The following RBFOX2 variants were observed in gnomAD, a reference collection of about 807,000 sequenced individuals.
RBFOX2 encodes RNA binding protein fox-1 homolog 2.
In RBFOX2, 10 loss-of-function variants were observed where a neutral mutation model predicts 49.1. That is an observed-to-expected ratio of 0.20 (90% CI 0.13 to 0.35). The LOEUF (loss-of-function observed/expected upper bound fraction) is 0.35, where lower values mean the gene tolerates loss of function less well. Ranked by LOEUF, RBFOX2 falls within the 10% of genes least tolerant of loss-of-function variation. The pLI is 1.00. For missense variants in RBFOX2, 323 were observed against 486.9 expected (o/e 0.66, Z 3.17); for synonymous variants, 183 against 187.4 (o/e 0.98, Z 0.19).
At chr22:35,985,307 CT>C (rs1244262573) in intron 1 of RBFOX2, among the ~76,000 whole-genome samples, 1 of 152,138 alleles carries the variant, frequency 6.6e-6, no homozygotes, top group Non-Finnish European at 1.5e-5. Context: ...CAACTACCTA[CT>C]AGGTTTTCAG....
chr22:35,920,674 A>G (rs1191514242), intron 1 of RBFOX2, among the ~76,000 whole-genome samples: 1 of 152,184 alleles, frequency 6.6e-6, no homozygotes, highest in African/African-American at 2.4e-5. Context: ...TCAAAACAAG[A>G]CGGACTTTAG....
rs1938203823 is a variant in RBFOX2, at chr22:35,760,000, T to C, written c.775A>G (p.Thr259Ala). 1 of 1,613,574 alleles carries C rather than the reference T, an allele frequency of 6.2e-7. No individual in the cohort carries two copies. The highest frequency in any genetic ancestry group is 1.3e-5 in the African/African-American group (1 of 74,852). The change falls in exon 9 of 12, where the codon ACT becomes GCT. Residue 259 changes from threonine to alanine, a missense_variant. This residue lies in a region of RBFOX2 where 200 missense variants were observed against 370.0 expected (regional missense o/e 0.54). Coordinates refer to ENST00000405409, the Ensembl canonical transcript of RBFOX2. This position sits in a 1 kb window ranked among gnomAD's most constrained non-coding sequence, Gnocchi z 4.6. ...AAAGCGGCTGCCGTGGTGGCTGCAGTAGGGTAAGGGAAGCCAGGAACTAAA... is the reference window on the plus strand; with the variant it reads ...AAAGCGGCTGCCGTGGTGGCTGCAGCAGGGTAAGGGAAGCCAGGAACTAAA...
At chr22:35,869,618 G>A (rs2044124901) in intron 1 of RBFOX2, among the ~76,000 whole-genome samples, 1 of 151,044 alleles carries the variant, frequency 6.6e-6, no homozygotes, top group Non-Finnish European at 1.5e-5. Context: ...GCCTTTTGAT[G>A]TTGTTTTTTC....
intron 1 of RBFOX2, among the ~76,000 whole-genome samples, chr22:35,954,895 G>A (rs2055373181): frequency 6.6e-6 from 1 of 152,162 alleles, no homozygotes; most frequent in African/African-American, 2.4e-5. Context: ...AGTGAGAAAG[G>A]CATAAAGAAA....
At position 35,868,785 on chromosome 22, in the gene RBFOX2, A is replaced by G. The variant is rs550672407; in HGVS notation, c.-33-58781T>C. On this transcript the variant is annotated intron_variant, in intron 1 of 13. Coordinates refer to the RBFOX2 transcript ENST00000359369. ...GTCCAGAGATTTCATTAAATTCTCA[A>G]AGATGTTCGAGACTCAAAATAAAGA... is the stretch of plus-strand genomic sequence containing the variant. Among the ~76,000 whole-genome samples the G allele has an allele frequency of 2.0e-5, 3 of 152,370 alleles. No individual in the cohort carries two copies. In the South Asian group the frequency reaches 6.2e-4, roughly 32 times the overall value.
chr22:35,776,928 G>T, intron 4 of RBFOX2, among the ~76,000 whole-genome samples: 1 of 146,638 alleles, frequency 6.8e-6, no homozygotes. Context: ...CCATTCCCTT[G>T]TTCTTAAAAA....
intron 2 of RBFOX2, among the ~76,000 whole-genome samples, chr22:35,800,653 C>T (rs1949606255): frequency 6.6e-6 from 1 of 152,074 alleles, no homozygotes; most frequent in South Asian, 2.1e-4. Context: ...ACCAAGACGC[C>T]TCAGCTTCTC....
intron 9 of RBFOX2, among the ~76,000 whole-genome samples, chr22:35,755,899 T>C (rs1211327185): frequency 1.3e-5 from 2 of 151,788 alleles, no homozygotes; most frequent in Non-Finnish European, 2.9e-5. Context: ...GGCTTAGTTT[T>C]TGCACCCAGG....
chr22:35,840,514 C>T (rs1603387389), exon 1 of RBFOX2: 4 of 1,264,826 alleles, frequency 3.2e-6, no homozygotes, highest in Non-Finnish European at 4.0e-6. Context: ...TAGAGCCCCA[C>T]CTCTTCCTCC....
chr22:36,028,565 G>C (rs2059541176), exon 1 of RBFOX2: 1 of 808,122 alleles, frequency 1.2e-6, no homozygotes, highest in Non-Finnish European at 1.5e-6. Context: ...CGCGCGAGCG[G>C]ACTCCGCGCC....
intron 1 of RBFOX2, among the ~76,000 whole-genome samples, chr22:35,846,529 C>T (rs1432313050): frequency 6.6e-6 from 1 of 151,724 alleles, no homozygotes; most frequent in African/African-American, 2.4e-5. Flanking sequence ...GGTGGATCAC[C>T]CGAGGATGGG....
intron 1 of RBFOX2, among the ~76,000 whole-genome samples, chr22:35,839,582 C>T (rs1191886438): frequency 1.3e-5 from 2 of 152,194 alleles, no homozygotes; most frequent in African/African-American, 4.8e-5. Flanking sequence ...CATTCAGATT[C>T]GTTCTCCTGT....
exon 1 of RBFOX2, chr22:35,840,522 T>TC: frequency 8.2e-7 from 1 of 1,213,192 alleles, no homozygotes; most frequent in Non-Finnish European, 1.0e-6. Context: ...CACCTCTTCC[T>TC]CCTCCCCCCA....
intron 1 of RBFOX2, among the ~76,000 whole-genome samples, chr22:35,971,296 T>A (rs1219997650): frequency 6.6e-6 from 1 of 152,182 alleles, no homozygotes; most frequent in African/African-American, 2.4e-5. Flanking sequence ...ATACTCAGTT[T>A]ACAATGTAAA....
intron 8 of RBFOX2, 56 bp downstream of exon 9, chr22:35,761,146 A>G: frequency 1.4e-6 from 2 of 1,478,912 alleles, no homozygotes. Context: ...AAAACAGTAC[A>G]TGATAGTTCA....
At chr22:35,986,568 A>G (rs2057733789) in intron 1 of RBFOX2, among the ~76,000 whole-genome samples, 1 of 152,216 alleles carries the variant, frequency 6.6e-6, no homozygotes, top group African/African-American at 2.4e-5. Flanking sequence ...ATGTTTTCAT[A>G]CTGTCCTTAG....
At chr22:35,889,135 A>AC (rs1383593104) in intron 1 of RBFOX2, among the ~76,000 whole-genome samples, 3 of 152,142 alleles carry the variant, frequency 2.0e-5, no homozygotes, top group African/African-American at 7.2e-5. Context: ...AGGGTGGGTG[A>AC]CAAAGCAAGA....
intron 1 of RBFOX2, among the ~76,000 whole-genome samples, chr22:35,961,230 C>T (rs1316055793): frequency 6.6e-6 from 1 of 152,128 alleles, no homozygotes; most frequent in African/African-American, 2.4e-5. Flanking sequence ...ACAAAGGCAA[C>T]TATATACTAA....
At chr22:35,937,653 T>C (rs1008546686) in intron 1 of RBFOX2, among the ~76,000 whole-genome samples, 1 of 152,198 alleles carries the variant, frequency 6.6e-6, no homozygotes, top group African/African-American at 2.4e-5. Flanking sequence ...TGCAATGGTG[T>C]AGTCTCAGCT....
Sources: allele counts gnomAD v4.1 joint callset (sites outside exome capture counted in the v4.1 genomes callset), GRCh38; gene constraint gnomAD v4.1.1; regional missense constraint gnomAD v4.1.1; non-coding constraint Gnocchi (gnomAD v3.1); transcripts MANE v1.5; gene names NCBI Gene and HGNC (gene_info 2026-07-23, HGNC 2026-07-21).